The following BTBD7 variants were observed in gnomAD, a reference collection of about 807,000 sequenced individuals.
The protein encoded by BTBD7 is BTB/POZ domain-containing protein 7.
In BTBD7, 38 loss-of-function variants were observed where a neutral mutation model predicts 99.9. That is an observed-to-expected ratio of 0.38 (90% CI 0.29 to 0.50). The LOEUF is 0.50. Ranked by LOEUF, BTBD7 falls within the 20% of genes least tolerant of loss-of-function variation. The probability of loss-of-function intolerance (pLI) is 0.93; values close to 1 mark genes in which losing one functional copy is unlikely to be tolerated. For missense variants in BTBD7, 1,170 were observed against 1,394.6 expected (o/e 0.84, Z 2.57); for synonymous variants, 520 against 511.4 (o/e 1.02, Z -0.23).
chr14:93,314,628 CAT>C (rs1319523889), intron 1 of BTBD7, among the ~76,000 whole-genome samples: 9 of 152,290 alleles, frequency 5.9e-5, no homozygotes, highest in African/African-American at 9.6e-5. Flanking sequence ...GTCTTTTACA[CAT>C]ATCTTTGCCC....
intron 6 of BTBD7, among the ~76,000 whole-genome samples, chr14:93,253,998 C>T (rs948347828): frequency 6.6e-6 from 1 of 150,988 alleles, no homozygotes; most frequent in African/African-American, 2.4e-5. Context: ...AGTGCAGTGG[C>T]GTGATCTTGG....
intron 3 of BTBD7, among the ~76,000 whole-genome samples, chr14:93,278,821 A>C (rs970562616): frequency 6.6e-6 from 1 of 152,152 alleles, no homozygotes; most frequent in African/African-American, 2.4e-5. Context: ...TTGGCCACGC[A>C]TAGTGGCTCA....
chr14:93,265,720 G>A (rs1167046821), intron 3 of BTBD7, among the ~76,000 whole-genome samples: 2 of 152,230 alleles, frequency 1.3e-5, no homozygotes, highest in African/African-American at 4.8e-5. Flanking sequence ...TCAGGAGTTC[G>A]AGACCAGCTT....
intron 3 of BTBD7, among the ~76,000 whole-genome samples, chr14:93,266,559 G>C (rs1322506666): frequency 6.6e-6 from 1 of 151,734 alleles, no homozygotes; most frequent in African/African-American, 2.4e-5. Flanking sequence ...GGGAGATTTT[G>C]GTTCAATGAT....
chr14:93,251,315 A>G, intron 8 of BTBD7, 148 bp downstream of exon 8: 1 of 878,660 alleles, frequency 1.1e-6, no homozygotes, highest in Non-Finnish European at 1.6e-6. Flanking sequence ...GTTTTGGCTT[A>G]AAAGTGTTTA....
intron 3 of BTBD7, among the ~76,000 whole-genome samples, chr14:93,281,166 CTT>C (rs566864647): frequency 1.4e-4 from 19 of 138,046 alleles, no homozygotes; most frequent in Admixed American, 1.5e-4. Context: ...ATGCCTGGCT[CTT>C]TTTTTTTTTT....
chr14:93,300,909 C>A (rs1451585201), intron 1 of BTBD7, among the ~76,000 whole-genome samples: 1 of 151,852 alleles, frequency 6.6e-6, no homozygotes, highest in Non-Finnish European at 1.5e-5. Context: ...ACCACGGTGC[C>A]CAGCTGGAAG....
In BTBD7 at chr14:93,242,070, TAGAC is replaced by T; in HGVS notation, c.*199_*202del. The stretch of plus-strand genomic sequence containing the variant: ...CCGACATAATTGTTCAAAGACAAAT[TAGAC>T]AGATGCAACATTAAAAAAAAAAAAC... On this transcript the variant is annotated 3_prime_UTR_variant, in exon 11 of 11. Transcript: ENST00000334746. The T allele has an allele frequency of 1.8e-6, 1 of 548,200 alleles. No homozygotes were observed. Among genetic ancestry groups the T allele is most frequent in the Non-Finnish European group, 3.2e-6 (1 of 314,140 alleles). 34.0% of individuals were successfully genotyped at this position (548,200 alleles called of 1,614,324 possible).
chr14:93,295,072 G>A, intron 2 of BTBD7, 135 bp from the exon 3 acceptor site: 1 of 867,108 alleles, frequency 1.2e-6, no homozygotes, highest in Non-Finnish European at 1.7e-6. Flanking sequence ...TTTTTATAAA[G>A]GAAGACAAAA....
intron 5 of BTBD7, among the ~76,000 whole-genome samples, chr14:93,261,360 T>C (rs994565925): frequency 6.6e-6 from 1 of 152,222 alleles, no homozygotes; most frequent in African/African-American, 2.4e-5. Flanking sequence ...TCATGTTTTA[T>C]TAAGCACCTA....
intron 5 of BTBD7, among the ~76,000 whole-genome samples, chr14:93,259,124 T>C (rs147054112): frequency 1.3e-5 from 2 of 152,310 alleles, no homozygotes; most frequent in East Asian, 3.9e-4. Flanking sequence ...CAGGGTTAGG[T>C]TCCTGTGAAC....
rs1044755895 is a variant in BTBD7, at chr14:93,294,307, C to T, written c.713G>A (p.Arg238His). The change falls in exon 3 of 11, where the codon CGT becomes CAT. Residue 238 changes from arginine to histidine, a missense_variant. By Grantham distance (29) the Arg-to-His change is conservative (BLOSUM62 0). Around this residue, in one of 4 missense-constraint regions of BTBD7, gnomAD observed 359 missense variants for 497.9 expected, o/e 0.72. Transcript: ENST00000334746. ...ATAACACATGTAATCAAAGAGTCCACGCATATCTACATCAAGGGAATTTGG... is the reference window on the plus strand; with the variant it reads ...ATAACACATGTAATCAAAGAGTCCATGCATATCTACATCAAGGGAATTTGG... ...GTPNSLDVDM[R>H]GLFDYMCYYD... is the part of the protein sequence containing the mutation. 3.8e-5 allele frequency: 61 copies of T among 1,614,022 alleles called. No homozygotes were observed. Among genetic ancestry groups the T allele is most frequent in the Non-Finnish European group, 4.9e-5 (58 of 1,180,042 alleles).
intron 1 of BTBD7, among the ~76,000 whole-genome samples, chr14:93,297,513 G>T (rs1011267868): frequency 6.6e-6 from 1 of 152,094 alleles, no homozygotes; most frequent in African/African-American, 2.4e-5. Flanking sequence ...AGTAGAGATG[G>T]GGTTTCACCA....
intron 3 of BTBD7, among the ~76,000 whole-genome samples, chr14:93,284,935 TTATATA>T (rs933220586): frequency 2.0e-5 from 3 of 151,930 alleles, no homozygotes; most frequent in Non-Finnish European, 4.4e-5. Context: ...AGATGCAATA[TTATATA>T]TATAAACTTT....
rs138916584 is a variant in BTBD7, at chr14:93,305,142, G to A, written c.-106-8985C>T. Among the ~76,000 whole-genome samples the A allele has an allele frequency of 5.0e-4, 76 of 152,226 alleles. 3 individuals carry two copies. The East Asian group carries it at 0.013, about 26-fold the overall frequency. ...AAAATTCTATTTTTCTTCACATTACGGAGACTGAGTCTAAATAAATATGAG... is the reference window on the plus strand; with the variant it reads ...AAAATTCTATTTTTCTTCACATTACAGAGACTGAGTCTAAATAAATATGAG... On this transcript the variant is annotated intron_variant, in intron 1 of 10. Transcript: ENST00000334746.
At chr14:93,308,166 A>G (rs1369925756) in intron 1 of BTBD7, among the ~76,000 whole-genome samples, 2 of 152,042 alleles carry the variant, frequency 1.3e-5, no homozygotes, top group Non-Finnish European at 2.9e-5. Context: ...GGGCGCCTGC[A>G]GTCCCAGCTC....
chr14:93,300,743 TG>T lies in BTBD7; in HGVS notation c.-106-4587del, dbSNP rs1566857039. Among the ~76,000 whole-genome samples, 3 of 92,328 alleles carry T rather than the reference TG, an allele frequency of 3.2e-5. No homozygotes were observed. In the East Asian group the frequency reaches 9.0e-4, roughly 28 times the overall value. 60.6% of individuals were successfully genotyped at this position (92,328 alleles called of 152,430 possible). A position where few individuals can be genotyped will look rare whatever the true frequency, so the allele number is the denominator to read the frequency against. The stretch of plus-strand genomic sequence containing the variant: ...GTGTGTGTGTGTGTGTGTGTGTGTG[TG>T]TGTGTGTGTGTGTGTGTGTGTGTGT... On this transcript the variant is annotated intron_variant, in intron 1 of 10. Transcript: ENST00000334746.
intron 5 of BTBD7, among the ~76,000 whole-genome samples, chr14:93,258,090 GGTCT>G (rs2052449847): frequency 6.6e-6 from 1 of 151,136 alleles, no homozygotes; most frequent in Non-Finnish European, 1.5e-5. Context: ...TTAATCTAGG[GGTCT>G]GTAATTTTTT....
intron 3 of BTBD7, among the ~76,000 whole-genome samples, chr14:93,286,331 T>C (rs2052776535): frequency 6.6e-6 from 1 of 152,138 alleles, no homozygotes; most frequent in Non-Finnish European, 1.5e-5. Context: ...ATGACTAACA[T>C]AGGAATGCTA....
Sources: gnomAD v4.1 joint callset for allele counts (sites outside exome capture counted in the v4.1 genomes callset) on GRCh38, gnomAD v4.1.1 for gene constraint, gnomAD v4.1.1 regional missense constraint, MANE v1.5 for transcripts, NCBI Gene and HGNC (gene_info 2026-07-23, HGNC 2026-07-21) for gene names.